Variants in GRM1 observed in about 807,000 individuals in gnomAD.
GRM1 encodes the protein metabotropic glutamate receptor 1.
A neutral mutation model predicts 90.9 loss-of-function variants in GRM1; 33 were observed. The ratio of observed to expected loss-of-function variants is 0.36; its 90% CI spans 0.28 to 0.49. The LOEUF (loss-of-function observed/expected upper bound fraction) is 0.49. Ranked by LOEUF, GRM1 falls within the 20% of genes least tolerant of loss-of-function variation. The probability of loss-of-function intolerance (pLI) is 0.99; values close to 1 mark genes in which losing one functional copy is unlikely to be tolerated. For missense variants in GRM1, 1,190 were observed against 1,534.3 expected, an observed-to-expected ratio of 0.78 and a Z score of 3.75; for synonymous variants, 700 against 613.2, an observed-to-expected ratio of 1.14 and a Z score of -2.09.
At chr6:146,160,595 A>G (rs1017656224) in intron 2 of GRM1, among the ~76,000 whole-genome samples, 6 of 152,094 alleles carry the variant, frequency 3.9e-5, no homozygotes, top group Non-Finnish European at 8.8e-5. Flanking sequence ...CACACCCATT[A>G]AAGAGCCTCA....
chr6:146,145,804 C>T (rs1221999971), intron 1 of GRM1, among the ~76,000 whole-genome samples: 1 of 152,128 alleles, frequency 6.6e-6, no homozygotes, highest in Non-Finnish European at 1.5e-5. Flanking sequence ...GTGGGACTGC[C>T]ACTGAGATTT....
At chr6:146,367,199 A>G (rs1232419610) in intron 5 of GRM1, among the ~76,000 whole-genome samples, 1 of 152,106 alleles carries the variant, frequency 6.6e-6, no homozygotes, top group Non-Finnish European at 1.5e-5. Context: ...TTTGTAGAAA[A>G]TAAGATGGTT....
chr6:146,031,037 T>A (rs1790688391), intron 1 of GRM1, among the ~76,000 whole-genome samples: 2 of 152,164 alleles, frequency 1.3e-5, no homozygotes, highest in African/African-American at 4.8e-5. Context: ...ATAGCAGATA[T>A]TAGGTTTATA....
At chr6:146,150,794 A>T (rs1205624971) in intron 1 of GRM1, among the ~76,000 whole-genome samples, 1 of 152,168 alleles carries the variant, frequency 6.6e-6, no homozygotes, top group Non-Finnish European at 1.5e-5. Flanking sequence ...AATGAGTGAG[A>T]ATATGCAATA....
intron 3 of GRM1, among the ~76,000 whole-genome samples, chr6:146,343,542 A>T (rs959504826): frequency 8.6e-5 from 13 of 151,706 alleles, no homozygotes; most frequent in African/African-American, 3.2e-4. Flanking sequence ...ATCCACTATC[A>T]TCCTTTTTAT....
At chr6:146,123,675 G>T (rs142652264) in intron 1 of GRM1, among the ~76,000 whole-genome samples, 50 of 152,266 alleles carry the variant, frequency 3.3e-4, no homozygotes, top group African/African-American at 1.1e-3. Context: ...CATGAATTCT[G>T]AGAGGAACAC....
chr6:146,107,808 T>C (rs770438553), intron 1 of GRM1, among the ~76,000 whole-genome samples: 3 of 152,190 alleles, frequency 2.0e-5, no homozygotes, highest in Non-Finnish European at 4.4e-5. Context: ...GAGAGGCCAC[T>C]TCCCTAATAT....
At chr6:146,136,851 T>G (rs1418413480) in intron 1 of GRM1, among the ~76,000 whole-genome samples, 2 of 132,962 alleles carry the variant, frequency 1.5e-5, no homozygotes, top group Non-Finnish European at 3.1e-5. Flanking sequence ...TACAGAAGCT[T>G]TTTTTTTTTT....
chr6:146,304,546 C>A, intron 2 of GRM1, 65 bp from the exon 3 acceptor site: 1 of 1,100,484 alleles, frequency 9.1e-7, no homozygotes, highest in Non-Finnish European at 1.4e-6. Context: ...TCATATATAA[C>A]TCTGAGCTCT....
Position 146,173,899 on chromosome 6 carries a change from G to A in GRM1, c.950+14302G>A, listed in dbSNP as rs1038445168. 2.0e-5 allele frequency among the ~76,000 whole-genome samples: 3 copies of A among 151,994 alleles called. No homozygotes were observed. In the East Asian group the frequency reaches 5.8e-4, roughly 29 times the overall value. On this transcript the variant is annotated intron_variant, in intron 2 of 7. Coordinates refer to ENST00000282753, the MANE Select transcript of GRM1 (RefSeq NM_001278064.2). The stretch of plus-strand genomic sequence containing the variant: ...TCTCAAACTCCTGACCTTGTGATCC[G>A]CCCGCCTTCGCTTCCCAAAGTGCTA...
intron 1 of GRM1, among the ~76,000 whole-genome samples, chr6:146,103,465 G>A (rs1777117050): frequency 6.6e-6 from 1 of 152,144 alleles, no homozygotes. Flanking sequence ...GTCAGCTAAG[G>A]TTTCTGTTGA....
chr6:146,051,958 T>C (rs899236225), intron 1 of GRM1, among the ~76,000 whole-genome samples: 2 of 152,074 alleles, frequency 1.3e-5, no homozygotes, highest in African/African-American at 4.8e-5. Context: ...AACAAGATCA[T>C]AAGGCTGAAA....
intron 2 of GRM1, among the ~76,000 whole-genome samples, chr6:146,276,336 T>A (rs1027195844): frequency 1.2e-4 from 18 of 152,260 alleles, no homozygotes; most frequent in African/African-American, 4.3e-4. Flanking sequence ...AGAAAAGAAA[T>A]TATGGCATTC....
chr6:146,135,381 C>A (rs1443225145), intron 1 of GRM1, among the ~76,000 whole-genome samples: 2 of 152,214 alleles, frequency 1.3e-5, no homozygotes, highest in Non-Finnish European at 2.9e-5. Context: ...AACTCCTCTG[C>A]ACAATCTGAA....
At chr6:146,248,940 T>C (rs142658869) in intron 2 of GRM1, among the ~76,000 whole-genome samples, 1 of 152,308 alleles carries the variant, frequency 6.6e-6, no homozygotes, top group African/African-American at 2.4e-5. Context: ...TTTCAGCATT[T>C]TTCCCCTGCC....
At chr6:146,319,796 A>T (rs1436871013) in intron 3 of GRM1, among the ~76,000 whole-genome samples, 4 of 152,058 alleles carry the variant, frequency 2.6e-5, no homozygotes, top group Non-Finnish European at 5.9e-5. Flanking sequence ...AATGCTTGTG[A>T]TTTTTGCACA....
chr6:146,400,757 A>G (rs1017908075), intron 7 of GRM1, among the ~76,000 whole-genome samples: 3 of 152,148 alleles, frequency 2.0e-5, no homozygotes, highest in African/African-American at 7.2e-5. Flanking sequence ...TCACTCTTTC[A>G]AACAATCCTT....
At chr6:146,224,080 G>T (rs1403774428) in intron 2 of GRM1, among the ~76,000 whole-genome samples, 2 of 152,002 alleles carry the variant, frequency 1.3e-5, no homozygotes, top group African/African-American at 2.4e-5. Flanking sequence ...AACCTCATTG[G>T]CCTAGATGTG....
intron 2 of GRM1, among the ~76,000 whole-genome samples, chr6:146,188,381 CA>C (rs1019009005): frequency 2.1e-4 from 32 of 152,168 alleles, no homozygotes; most frequent in African/African-American, 7.5e-4. Context: ...GGATCCTTCA[CA>C]GATGTTACAA....
Sources: allele counts gnomAD v4.1 joint callset (sites outside exome capture counted in the v4.1 genomes callset), GRCh38; gene constraint gnomAD v4.1.1; transcripts MANE v1.5; gene names NCBI Gene and HGNC (gene_info 2026-07-23, HGNC 2026-07-21).